CIMIP3: variants seen among roughly 807,000 people sequenced by gnomAD.
CIMIP3 encodes the protein ciliary microtubule inner protein 3.
At chr6:42,156,348 T>G in the CIMIP3 span, among the ~76,000 whole-genome samples, 1 of 149,310 alleles carries the variant, frequency 6.7e-6, no homozygotes, top group South Asian at 2.1e-4. Context: ...AGAGATGAGG[T>G]CTCTCAATGT....
At chr6:42,158,977 A>C in the CIMIP3 span, among the ~76,000 whole-genome samples, 75,404 of 152,012 alleles carry the variant, frequency 0.5, 19,951 homozygotes, top group East Asian at 0.59. Context: ...CCTCATCTTC[A>C]TGGCCCTTCT....
At chr6:42,162,912 C>T in the CIMIP3 span, 21,877 of 614,810 alleles carry the variant, frequency 0.036, 1,134 homozygotes, top group African/African-American at 0.18. Flanking sequence ...TTCTTTCCCC[C>T]CTCCCAGGAC....
chr6:42,155,427 C>T, the CIMIP3 span: 61 of 659,812 alleles, frequency 9.2e-5, 1 homozygote, highest in South Asian at 9.9e-4. Flanking sequence ...AAGAGTCCTC[C>T]CTGACCACCA....
chr6:42,163,336 G>A, the CIMIP3 span: 5 of 448,602 alleles, frequency 1.1e-5, no homozygotes, highest in African/African-American at 1.0e-4. Context: ...ACTGCAGGAG[G>A]AGTGACCTAT....
chr6:42,156,154 C>T, the CIMIP3 span, among the ~76,000 whole-genome samples: 5 of 152,102 alleles, frequency 3.3e-5, no homozygotes, highest in East Asian at 1.9e-4. Flanking sequence ...CCACCACGCC[C>T]GGCTAATTTT....
At chr6:42,158,273 A>T in the CIMIP3 span, among the ~76,000 whole-genome samples, 6 of 152,200 alleles carry the variant, frequency 3.9e-5, no homozygotes, top group African/African-American at 1.2e-4. Flanking sequence ...GGGTGTCCTC[A>T]GCCCTCTGAG....
chr6:42,157,172 A>G, the CIMIP3 span, among the ~76,000 whole-genome samples: 3 of 152,210 alleles, frequency 2.0e-5, no homozygotes, highest in East Asian at 1.9e-4. Flanking sequence ...ATATTAATAC[A>G]TGTGTACTGT....
chr6:42,160,784 A>C, the CIMIP3 span, among the ~76,000 whole-genome samples: 1 of 152,332 alleles, frequency 6.6e-6, no homozygotes, highest in East Asian at 1.9e-4. Flanking sequence ...AAAAACTGCA[A>C]ATTTGCAAAA....
the CIMIP3 span, among the ~76,000 whole-genome samples, chr6:42,159,049 C>T: frequency 6.6e-6 from 1 of 152,226 alleles, no homozygotes; most frequent in Non-Finnish European, 1.5e-5. Flanking sequence ...GAAACCTAAG[C>T]CGCTTCTTGC....
At chr6:42,157,035 A>G in the CIMIP3 span, among the ~76,000 whole-genome samples, 94 of 152,322 alleles carry the variant, frequency 6.2e-4, no homozygotes, top group African/African-American at 2.2e-3. Flanking sequence ...GTGCCTTCCT[A>G]GAAAACCTGT....
the CIMIP3 span, chr6:42,163,056 T>C: frequency 2.8e-6 from 2 of 717,408 alleles, no homozygotes; most frequent in Admixed American, 4.0e-5. Context: ...TATGTGCCGG[T>C]CGTTGTGGAC....
the CIMIP3 span, among the ~76,000 whole-genome samples, chr6:42,157,960 A>T: frequency 6.6e-6 from 1 of 152,132 alleles, no homozygotes; most frequent in South Asian, 2.1e-4. Context: ...CCATTGTAGG[A>T]TACATAGCAG....
At chr6:42,163,267 G>GC in the CIMIP3 span, 1 of 549,638 alleles carries the variant, frequency 1.8e-6, no homozygotes, top group East Asian at 3.1e-5. Flanking sequence ...CCAAACGGAA[G>GC]CCCCCGACCC....
the CIMIP3 span, among the ~76,000 whole-genome samples, chr6:42,159,484 T>C: frequency 0.64 from 97,181 of 152,102 alleles, 31,391 homozygotes; most frequent in South Asian, 0.7. Flanking sequence ...TGATTCATGG[T>C]GTAGACCTCA....
the CIMIP3 span, among the ~76,000 whole-genome samples, chr6:42,158,576 T>C: frequency 2.0e-5 from 3 of 152,200 alleles, no homozygotes; most frequent in African/African-American, 7.2e-5. Flanking sequence ...AGAGTTTGAA[T>C]CCTGGTTCCC....
chr6:42,160,403 A>C, the CIMIP3 span, among the ~76,000 whole-genome samples: 5 of 152,140 alleles, frequency 3.3e-5, no homozygotes. Flanking sequence ...GCTGTAGAAC[A>C]CTTGCTCATT....
chr6:42,156,623 G>A, the CIMIP3 span, among the ~76,000 whole-genome samples: 904 of 152,316 alleles, frequency 5.9e-3, 6 homozygotes, highest in African/African-American at 0.021. Context: ...GTGAAACCAC[G>A]GTGTAACTGC....
At chr6:42,160,562 G>A in the CIMIP3 span, among the ~76,000 whole-genome samples, 3 of 152,274 alleles carry the variant, frequency 2.0e-5, no homozygotes, top group East Asian at 5.8e-4. Flanking sequence ...TGCAGCAAGC[G>A]GTCCCAGTGC....
the CIMIP3 span, among the ~76,000 whole-genome samples, chr6:42,162,506 A>C: frequency 8.6e-5 from 13 of 150,550 alleles, no homozygotes; most frequent in African/African-American, 3.2e-4. Flanking sequence ...GGTGGAGGGC[A>C]AGCTGGAGGG....
Sources: gnomAD v4.1 joint callset for allele counts (sites outside exome capture counted in the v4.1 genomes callset) on GRCh38, gnomAD v4.1.1 for gene constraint, MANE v1.5 for transcripts, NCBI Gene and HGNC (gene_info 2026-07-23, HGNC 2026-07-21) for gene names.